CC2D2B: variants seen among roughly 807,000 people sequenced by gnomAD.
CC2D2B encodes protein CC2D2B.
Under a neutral mutation model 161.2 loss-of-function variants are expected in CC2D2B, and 128 were observed. The ratio of observed to expected loss-of-function variants is 0.79; its 90% CI spans 0.69 to 0.92. The LOEUF (loss-of-function observed/expected upper bound fraction) is 0.92, where lower values mean the gene tolerates loss of function less well. CC2D2B is among the 40% of genes least tolerant of loss of function. CC2D2B has a pLI of 0.00. For missense variants in CC2D2B, 1,173 were observed against 1,375.1 expected (o/e 0.85, Z 2.32); for synonymous variants, 391 against 449.8 (o/e 0.87, Z 1.65).
chr10:95,924,238 TA>T, intron 3 of CC2D2B, 75 bp from the exon 4 acceptor site: 1 of 730,738 alleles, frequency 1.4e-6, no homozygotes, highest in East Asian at 3.1e-5. Flanking sequence ...AAGAATTTAA[TA>T]AATACTTTTG....
intron 3 of CC2D2B, 31 bp downstream of exon 3, chr10:95,922,107 CTCT>C: frequency 8.7e-7 from 1 of 1,152,960 alleles, no homozygotes; most frequent in Non-Finnish European, 1.2e-6. Context: ...AACTCTGATA[CTCT>C]TCATTTTTAT....
chr10:96,010,460 C>T (rs771006548), intron 26 of CC2D2B, among the ~76,000 whole-genome samples: 1 of 152,134 alleles, frequency 6.6e-6, no homozygotes, highest in Non-Finnish European at 1.5e-5. Flanking sequence ...GACGCCATGC[C>T]AGACACTGTA....
chr10:95,911,864 A>G (rs1001693170), intron 2 of CC2D2B, among the ~76,000 whole-genome samples: 21 of 152,176 alleles, frequency 1.4e-4, no homozygotes, highest in Admixed American at 1.3e-3. Flanking sequence ...GTTCCATCAT[A>G]CCTTAAGGGT....
At chr10:95,931,124 G>T (rs563027187) in intron 6 of CC2D2B, among the ~76,000 whole-genome samples, 1 of 152,298 alleles carries the variant, frequency 6.6e-6, no homozygotes, top group East Asian at 1.9e-4. Context: ...GAGGGTGTAT[G>T]TGTCCAGGAA....
chr10:95,962,741 A>AT (rs966559006), intron 12 of CC2D2B, among the ~76,000 whole-genome samples: 35 of 127,468 alleles, frequency 2.7e-4, no homozygotes, highest in South Asian at 2.6e-4. Context: ...TATTTTGTTG[A>AT]TTTTTTTTTC....
intron 10 of CC2D2B, 100 bp from the exon 11 acceptor site, chr10:95,955,294 A>G (rs2076534879): frequency 2.5e-6 from 1 of 395,160 alleles, no homozygotes; most frequent in African/African-American, 2.1e-5. Context: ...AAAGTTATAC[A>G]TTTGTTCGGC....
intron 24 of CC2D2B, chr10:96,000,227 T>C: frequency 3.1e-6 from 4 of 1,274,150 alleles, no homozygotes; most frequent in East Asian, 3.1e-5. Flanking sequence ...CCTTTCTTCT[T>C]TTCCTTTGCG....
chr10:95,934,932 A>G (rs1202016846), intron 6 of CC2D2B, among the ~76,000 whole-genome samples: 1 of 152,104 alleles, frequency 6.6e-6, no homozygotes, highest in African/African-American at 2.4e-5. Context: ...GTGCAGTGGC[A>G]TGACCTCAGC....
chr10:95,923,600 C>A (rs1306707077), intron 3 of CC2D2B, among the ~76,000 whole-genome samples: 2 of 152,214 alleles, frequency 1.3e-5, no homozygotes, highest in South Asian at 2.1e-4. Context: ...TTTTTAAAAT[C>A]TGAGCTTTGT....
chr10:95,985,443 A>G (rs577078193), intron 19 of CC2D2B, among the ~76,000 whole-genome samples: 17 of 152,314 alleles, frequency 1.1e-4, no homozygotes, highest in South Asian at 2.1e-4. Context: ...CTTTACTGCA[A>G]TCTCTTAACA....
chr10:95,938,066 G>A lies in CC2D2B; in HGVS notation c.412G>A (p.Glu138Lys), dbSNP rs542962923. The A allele has an allele frequency of 7.0e-5, 108 of 1,550,614 alleles. 2 individuals carry two copies. In the South Asian group the frequency reaches 1.3e-3, roughly 18 times the overall value. ...ACAAAATGTTGCTGAGAGTGAAGAG[G>A]AAGAGTTTATGAAAGAATTCATTTT... is the stretch of plus-strand genomic sequence containing the variant. ...NLQNVAESEEEEFMKEFILTD... is the reference protein window; with the variant it reads ...NLQNVAESEEKEFMKEFILTD... Residue 138 changes from glutamate to lysine, a missense_variant, in exon 7 of 35, where the codon GAA (glutamate) becomes AAA (lysine). Glu to Lys is a moderately conservative substitution (Grantham distance 56, BLOSUM62 1). Coordinates refer to ENST00000646931, the MANE Select transcript of CC2D2B (RefSeq NM_001349008.3).
At chr10:95,986,300 G>A (rs1344410686) in intron 19 of CC2D2B, among the ~76,000 whole-genome samples, 4 of 151,236 alleles carry the variant, frequency 2.6e-5, no homozygotes, top group Admixed American at 6.6e-5. Context: ...TCTCAGACCG[G>A]CCGACACTTA....
At chr10:95,983,845 G>T (rs1225278191) in intron 19 of CC2D2B, 36 bp downstream of exon 19, 1 of 970,206 alleles carries the variant, frequency 1.0e-6, no homozygotes, top group Non-Finnish European at 1.3e-6. Flanking sequence ...CTTATTGTAT[G>T]ATAAAGTTAA....
intron 25 of CC2D2B, among the ~76,000 whole-genome samples, chr10:96,005,158 T>G (rs10882708): frequency 0.079 from 12,002 of 152,240 alleles, 862 homozygotes; most frequent in East Asian, 0.22. Context: ...TCGAAATTGG[T>G]AACGGGTAAA....
At chr10:96,013,369 T>G (rs1358872552) in intron 28 of CC2D2B, among the ~76,000 whole-genome samples, 1 of 150,526 alleles carries the variant, frequency 6.6e-6, no homozygotes, top group South Asian at 2.1e-4. Flanking sequence ...TGATAGATTT[T>G]GAACCAAAAA....
chr10:95,955,632 T>G (rs2076545059), intron 11 of CC2D2B, 141 bp downstream of exon 11: 1 of 390,328 alleles, frequency 2.6e-6, no homozygotes. Context: ...CAATCTTTTT[T>G]AAGACCCACG....
chr10:95,985,575 G>A (rs183592848), intron 19 of CC2D2B, among the ~76,000 whole-genome samples: 36 of 152,112 alleles, frequency 2.4e-4, no homozygotes, highest in African/African-American at 7.2e-4. Context: ...GATGAATGTC[G>A]CCCTAGGACC....
chr10:95,992,488 A>C, intron 21 of CC2D2B, 39 bp from the exon 22 acceptor site: 1 of 1,228,754 alleles, frequency 8.1e-7, no homozygotes, highest in African/African-American at 1.6e-5. Context: ...AAAACCAAGA[A>C]AACGTAAATG....
intron 19 of CC2D2B, chr10:95,984,584 T>A (rs1054588935): frequency 6.6e-6 from 1 of 152,200 alleles, no homozygotes; most frequent in Non-Finnish European, 1.5e-5. Flanking sequence ...ATTTTAAAAT[T>A]TCTTTTTTTC....
Sources: gnomAD v4.1 joint callset for allele counts (sites outside exome capture counted in the v4.1 genomes callset) on GRCh38, gnomAD v4.1.1 for gene constraint, MANE v1.5 for transcripts, NCBI Gene and HGNC (gene_info 2026-07-23, HGNC 2026-07-21) for gene names.